Variants in KCNH7 observed in about 807,000 individuals in gnomAD.
KCNH7 encodes the protein potassium voltage-gated channel subfamily H member 7.
Under a neutral mutation model 120.8 loss-of-function variants are expected in KCNH7, and 49 were observed. The ratio of observed to expected loss-of-function variants is 0.41; its 90% CI spans 0.32 to 0.51. The LOEUF is 0.51. Ranked by LOEUF, KCNH7 falls within the 20% of genes least tolerant of loss-of-function variation. KCNH7 has a pLI of 0.38. For missense variants in KCNH7, 1,097 were observed against 1,446.6 expected (o/e 0.76, Z 3.92); for synonymous variants, 547 against 516.1 (o/e 1.06, Z -0.81).
At chr2:162,574,882 C>T (rs1391399563) in intron 2 of KCNH7, among the ~76,000 whole-genome samples, 1 of 152,064 alleles carries the variant, frequency 6.6e-6, no homozygotes, top group Non-Finnish European at 1.5e-5. Context: ...CAAACATTAA[C>T]TATTGTTGCT....
At chr2:162,608,482 T>G (rs1682854322) in intron 2 of KCNH7, among the ~76,000 whole-genome samples, 10 of 152,136 alleles carry the variant, frequency 6.6e-5, no homozygotes, top group Admixed American at 5.9e-4. Context: ...TCCTCTCCCT[T>G]CTGGTGGGCA....
At chr2:162,624,900 T>TG (rs1559050835) in intron 2 of KCNH7, among the ~76,000 whole-genome samples, 1 of 140,732 alleles carries the variant, frequency 7.1e-6, no homozygotes, top group Non-Finnish European at 1.5e-5. Flanking sequence ...TTTTTTTTTT[T>TG]TTTTTTTTTT....
intron 5 of KCNH7, among the ~76,000 whole-genome samples, chr2:162,512,280 T>A (rs1691104260): frequency 6.6e-6 from 1 of 151,846 alleles, no homozygotes; most frequent in South Asian, 2.1e-4. Context: ...TGTAGCACTT[T>A]GCTTATTTTA....
rs542344963 is a variant in KCNH7 at position 162,812,058 on chromosome 2, G to A, written c.307+24479C>T. Among the ~76,000 whole-genome samples the A allele has an allele frequency of 2.0e-4, 31 of 151,524 alleles. No homozygotes were observed. The East Asian group carries it at 2.3e-3, about 11-fold the overall frequency. On this transcript the variant is annotated intron_variant, in intron 2 of 15. Transcript: ENST00000332142. Reference sequence around the variant, plus strand: ...TAAATTATGTGAGTGTACAGCACACGTGTGTGTGTGTGAGCACATGTGCAC... The same window carrying A: ...TAAATTATGTGAGTGTACAGCACACATGTGTGTGTGTGAGCACATGTGCAC...
At chr2:162,601,531 T>C (rs1331655780) in intron 2 of KCNH7, among the ~76,000 whole-genome samples, 1 of 151,174 alleles carries the variant, frequency 6.6e-6, no homozygotes, top group Non-Finnish European at 1.5e-5. Flanking sequence ...AAATGTCATG[T>C]TCCCTAACAA....
rs1465014851 is a variant in KCNH7, at chr2:162,379,972, A to C, written c.3012T>G (p.Pro1004=). Residue 1004 remains proline (P), a synonymous_variant, in exon 14 of 16, where the codon CCT becomes CCG. Transcript: ENST00000332142. The part of the protein sequence containing the change: ...SWERENAHPQ[P]EDSSPSALQR... ...GAAGTGCAGATGGACTGGAGTCTTC[A>C]GGCTGGGGATGTGCATTTTCTCGTT... The C allele has an allele frequency of 6.2e-7, 1 of 1,614,074 alleles. No individual in the cohort carries two copies. The highest frequency in any genetic ancestry group is 1.7e-5 in the Admixed American group (1 of 60,004).
chr2:162,533,438 GAC>G (rs1243069417), intron 3 of KCNH7, among the ~76,000 whole-genome samples: 3 of 151,244 alleles, frequency 2.0e-5, no homozygotes, highest in Non-Finnish European at 4.4e-5. Context: ...GTATAAAAAA[GAC>G]ACAACCAAAA....
At chr2:162,469,130 C>A (rs1407175784) in intron 6 of KCNH7, among the ~76,000 whole-genome samples, 1 of 151,774 alleles carries the variant, frequency 6.6e-6, no homozygotes, top group African/African-American at 2.4e-5. Flanking sequence ...GTGTGAGCAA[C>A]TGTGCTTTGC....
intron 2 of KCNH7, among the ~76,000 whole-genome samples, chr2:162,787,230 A>T (rs1027226286): frequency 2.0e-5 from 3 of 152,062 alleles, no homozygotes; most frequent in African/African-American, 7.2e-5. Flanking sequence ...ATGGATTCAG[A>T]TCCCAGGTCA....
At chr2:162,576,694 C>G (rs72873511) in intron 2 of KCNH7, among the ~76,000 whole-genome samples, 5,955 of 151,586 alleles carry the variant, frequency 0.039, 149 homozygotes, top group Middle Eastern at 0.078. Flanking sequence ...ACAACGAAAA[C>G]AAGTGGTAAA....
intron 2 of KCNH7, among the ~76,000 whole-genome samples, chr2:162,829,400 G>C (rs1053204931): frequency 2.0e-5 from 3 of 152,136 alleles, no homozygotes; most frequent in East Asian, 3.8e-4. Flanking sequence ...AAAACATGGA[G>C]GGATAAATAG....
At chr2:162,739,799 C>A (rs1688056307) in intron 2 of KCNH7, among the ~76,000 whole-genome samples, 1 of 152,102 alleles carries the variant, frequency 6.6e-6, no homozygotes, top group Non-Finnish European at 1.5e-5. Flanking sequence ...AGGTCAATAG[C>A]CACATTGAAA....
intron 2 of KCNH7, among the ~76,000 whole-genome samples, chr2:162,704,645 A>AC (rs1017111036): frequency 6.6e-6 from 1 of 152,172 alleles, no homozygotes; most frequent in Non-Finnish European, 1.5e-5. Flanking sequence ...TACAAAAAGA[A>AC]CCCTACTGGG....
chr2:162,828,344 T>G (rs1244849224), intron 2 of KCNH7, among the ~76,000 whole-genome samples: 1 of 152,162 alleles, frequency 6.6e-6, no homozygotes, highest in Non-Finnish European at 1.5e-5. Context: ...TGTATTTTAA[T>G]TTTTATCATC....
intron 2 of KCNH7, among the ~76,000 whole-genome samples, chr2:162,828,173 T>C (rs1377591401): frequency 2.0e-5 from 3 of 152,176 alleles, no homozygotes; most frequent in Non-Finnish European, 4.4e-5. Flanking sequence ...TCACACACCA[T>C]GCAACCTTGC....
At chr2:162,837,508 T>C (rs1410105264) in intron 1 of KCNH7, among the ~76,000 whole-genome samples, 1 of 152,206 alleles carries the variant, frequency 6.6e-6, no homozygotes. Context: ...GTATTTACTA[T>C]TTCCACATAG....
Position 162,446,212 on chromosome 2 carries a change from C to T in KCNH7, c.1360G>A (p.Val454Ile), listed in dbSNP as rs1308968101. 3.1e-6 allele frequency: 5 copies of T among 1,613,546 alleles called. No individual in the cohort carries two copies. Among genetic ancestry groups the T allele is most frequent in the Non-Finnish European group, 4.2e-6 (5 of 1,179,710 alleles). ...CGYSCSPLNV[V>I]DLIVDIMFII... ...AACATAATATCCACAATCAAGTCTA[C>T]CACATTCAAAGGGCTACAAGAATAG... The change falls in exon 7 of 16, where the codon GTA (valine) becomes ATA (isoleucine). Residue 454 changes from valine (V) to isoleucine (I), a missense_variant. By Grantham distance (29) the Val-to-Ile change is conservative. This residue lies in a region of KCNH7 where 109 missense variants were observed against 196.8 expected (regional missense o/e 0.55). Transcript: ENST00000332142.
At chr2:162,796,226 A>G (rs1684140842) in intron 2 of KCNH7, 1 of 152,052 alleles carries the variant, frequency 6.6e-6, no homozygotes, top group South Asian at 2.1e-4. Context: ...GTTTCTATAG[A>G]CCTCATTTTT....
At chr2:162,749,399 C>T (rs1265326356) in intron 2 of KCNH7, among the ~76,000 whole-genome samples, 3 of 152,100 alleles carry the variant, frequency 2.0e-5, no homozygotes, top group South Asian at 2.1e-4. Context: ...TCTAGATTCA[C>T]AGAATACATT....
Sources: gnomAD v4.1 joint callset for allele counts (sites outside exome capture counted in the v4.1 genomes callset) on GRCh38, gnomAD v4.1.1 for gene constraint, gnomAD v4.1.1 regional missense constraint, MANE v1.5 for transcripts, NCBI Gene and HGNC (gene_info 2026-07-23, HGNC 2026-07-21) for gene names.